BBOF1: variants seen among roughly 807,000 people sequenced by gnomAD.
BBOF1 encodes basal body-orientation factor 1.
A neutral mutation model predicts 68.0 loss-of-function variants in BBOF1; 62 were observed. The ratio of observed to expected loss-of-function variants is 0.91; its 90% CI spans 0.74 to 1.13. BBOF1 has a LOEUF of 1.13. BBOF1 is among the 50% of genes most tolerant of loss of function. BBOF1 has a pLI of 0.00. For synonymous variants in BBOF1, 208 were observed against 198.8 expected, an observed-to-expected ratio of 1.05 and a Z score of -0.39; for missense variants, 534 against 600.1, an observed-to-expected ratio of 0.89 and a Z score of 1.15.
intron 5 of BBOF1, among the ~76,000 whole-genome samples, chr14:74,043,127 C>T (rs924093480): frequency 2.0e-5 from 3 of 152,118 alleles, no homozygotes; most frequent in South Asian, 2.1e-4. Context: ...TTACTTTATA[C>T]CTCAGCATGC....
intron 9 of BBOF1, chr14:74,071,906 A>G (rs1330182541): frequency 6.2e-7 from 1 of 1,614,232 alleles, no homozygotes; most frequent in Non-Finnish European, 8.5e-7. Context: ...GAAGGCCTCG[A>G]AATACATCTC....
At chr14:74,078,166 C>G (rs1384804250) in intron 9 of BBOF1, 1 of 455,290 alleles carries the variant, frequency 2.2e-6, no homozygotes, top group South Asian at 1.6e-5. Flanking sequence ...CTTGTACTTT[C>G]AGGAGCTGAC....
At chr14:74,068,604 G>A (rs58825161), downstream of BBOF1, among the ~76,000 whole-genome samples, 2,380 of 151,964 alleles carry the variant, frequency 0.016, 61 homozygotes, top group African/African-American at 0.054. Context: ...TTAGCCGGGC[G>A]CTGTGGCATG....
Position 74,049,771 on chromosome 14 carries a change from C to T in BBOF1, c.862C>T (p.Leu288Phe), listed in dbSNP as rs549213698. The T allele has an allele frequency of 2.2e-5, 35 of 1,614,142 alleles. No homozygotes were observed. In the South Asian group the frequency reaches 3.8e-4, roughly 18 times the overall value. ...CCAGCAGAGATCACAAATCCAAACC[C>T]TTCAGAAGAAGGTAGTAAACTTGGA... ...LVQQRSQIQT[L>F]QKKVVNLETA... Residue 288 changes from leucine to phenylalanine, a missense_variant, in exon 8 of 12, where the codon CTT becomes TTT. By Grantham distance (22) the Leu-to-Phe change is conservative (BLOSUM62 0). Transcript: ENST00000394009.
At chr14:74,056,217 T>C (rs2060199849) in intron 9 of BBOF1, among the ~76,000 whole-genome samples, 1 of 150,090 alleles carries the variant, frequency 6.7e-6, no homozygotes, top group African/African-American at 2.5e-5. Context: ...TTTTTTTTTT[T>C]TGAGAAGGAG....
chr14:74,079,472 C>T (rs1265656272), intron 10 of BBOF1, among the ~76,000 whole-genome samples: 12 of 147,242 alleles, frequency 8.1e-5, no homozygotes, highest in African/African-American at 2.8e-4. Flanking sequence ...CTCACTCTGT[C>T]GCCCAGGCTG....
chr14:74,047,919 A>G lies in BBOF1; in HGVS notation c.648-11A>G, dbSNP rs202187879. 13 of 1,588,734 alleles carry G rather than the reference A, an allele frequency of 8.2e-6. No individual in the cohort carries two copies. Among genetic ancestry groups the G allele is most frequent in the Admixed American group, 1.9e-5 (1 of 53,214 alleles). ...TTAGACCTGTGTTTTGAGATCTTATATCTATTTCAGGCAATTGAACGATGC... is the reference window on the plus strand; with the variant it reads ...TTAGACCTGTGTTTTGAGATCTTATGTCTATTTCAGGCAATTGAACGATGC... On this transcript the variant is annotated splice_polypyrimidine_tract_variant and intron_variant, in intron 6 of 11. Transcript: ENST00000394009.
intron 9 of BBOF1, among the ~76,000 whole-genome samples, chr14:74,076,598 A>G (rs4903175): frequency 0.24 from 36,597 of 152,018 alleles, 4,969 homozygotes; most frequent in South Asian, 0.46. Context: ...GTACAGTGGC[A>G]TGACCTTGGC....
At chr14:74,030,190 G>T (rs1422243006) in intron 3 of BBOF1, among the ~76,000 whole-genome samples, 1 of 151,816 alleles carries the variant, frequency 6.6e-6, no homozygotes, top group Non-Finnish European at 1.5e-5. Context: ...ATTTTTAGAG[G>T]TTGCTTTTTA....
At chr14:74,077,131 T>C (rs1401906514) in intron 9 of BBOF1, among the ~76,000 whole-genome samples, 1 of 152,026 alleles carries the variant, frequency 6.6e-6, no homozygotes, top group Non-Finnish European at 1.5e-5. Flanking sequence ...CCACTGACAC[T>C]CTCCTGGAGC....
At chr14:74,029,624 G>A (rs1458689262) in intron 3 of BBOF1, among the ~76,000 whole-genome samples, 2 of 151,490 alleles carry the variant, frequency 1.3e-5, no homozygotes, top group African/African-American at 4.9e-5. Flanking sequence ...AGAAGTTGCA[G>A]TGAGCCAAGA....
intron 2 of BBOF1, among the ~76,000 whole-genome samples, chr14:74,025,686 G>C (rs745913491): frequency 6.6e-5 from 10 of 152,030 alleles, no homozygotes; most frequent in Non-Finnish European, 1.5e-4. Flanking sequence ...TTCCTAAGGT[G>C]GTCTAAAACA....
chr14:74,028,467 T>TACACACAC lies in BBOF1; in HGVS notation c.286-679_286-672dup, dbSNP rs34677110. ...ACATTACCCTTTACCACTAAAGAAA[T>TACACACAC]ACACACACACACACACACACACACA... On this transcript the variant is annotated intron_variant, in intron 2 of 11. Coordinates refer to ENST00000394009, the MANE Select transcript of BBOF1 (RefSeq NM_025057.3). Among the ~76,000 whole-genome samples the TACACACAC allele has an allele frequency of 2.4e-3, 328 of 138,288 alleles. 1 individual carries two copies. The highest frequency in any genetic ancestry group is 6.8e-3 in the African/African-American group (252 of 37,130). The allele number at this position is 138,288 out of a possible 152,430, so 90.7% of individuals were successfully genotyped here.
chr14:74,052,019 C>T (rs1369452368), intron 8 of BBOF1, among the ~76,000 whole-genome samples: 1 of 151,698 alleles, frequency 6.6e-6, no homozygotes, highest in Non-Finnish European at 1.5e-5. Context: ...CTTCAAAATG[C>T]CTAAACTATA....
chr14:74,069,518 A>G (rs886073305), downstream of BBOF1, among the ~76,000 whole-genome samples: 9 of 151,938 alleles, frequency 5.9e-5, no homozygotes, highest in Non-Finnish European at 1.0e-4. Flanking sequence ...TGGGAGGCCG[A>G]GGCAGGTGGA....
intron 5 of BBOF1, 129 bp from the exon 6 acceptor site, chr14:74,045,931 A>G (rs2059938146): frequency 4.4e-6 from 3 of 683,852 alleles, no homozygotes; most frequent in Non-Finnish European, 7.1e-6. Context: ...CTTCTCCACC[A>G]GTGCTTGGAG....
chr14:74,043,986 C>T (rs1240117954), intron 5 of BBOF1, among the ~76,000 whole-genome samples: 2 of 151,772 alleles, frequency 1.3e-5, no homozygotes, highest in South Asian at 2.1e-4. Flanking sequence ...TGGCTCACGC[C>T]TATAATCCCA....
chr14:74,075,618 C>T (rs2060604184), intron 9 of BBOF1, among the ~76,000 whole-genome samples: 1 of 151,510 alleles, frequency 6.6e-6, no homozygotes, highest in Admixed American at 6.6e-5. Flanking sequence ...GATTATGCCA[C>T]TGCACTCCAG....
chr14:74,027,250 C>T (rs989484248), intron 2 of BBOF1, among the ~76,000 whole-genome samples: 3 of 151,694 alleles, frequency 2.0e-5, no homozygotes, highest in Admixed American at 1.3e-4. Flanking sequence ...CCCCGCCTGG[C>T]TAATTTTTGT....
Sources: allele counts gnomAD v4.1 joint callset (sites outside exome capture counted in the v4.1 genomes callset), GRCh38; gene constraint gnomAD v4.1.1; transcripts MANE v1.5; gene names NCBI Gene and HGNC (gene_info 2026-07-23, HGNC 2026-07-21).